The following RPRD2 variants were observed in gnomAD, a reference collection of about 807,000 sequenced individuals.
RPRD2 encodes regulation of nuclear pre-mRNA domain-containing protein 2.
RPRD2 carries 12 observed loss-of-function variants against 104.4 expected under a neutral mutation model. The ratio of observed to expected loss-of-function variants is 0.11; its 90% CI spans 0.07 to 0.19. The LOEUF (loss-of-function observed/expected upper bound fraction) is 0.19, where lower values mean the gene tolerates loss of function less well. Among genes scored for constraint, RPRD2 ranks in the 10% least tolerant of loss-of-function variants. RPRD2 has a pLI of 1.00. For missense variants in RPRD2, 1,543 were observed against 1,790.1 expected (o/e 0.86, Z 2.49); for synonymous variants, 714 against 684.9 (o/e 1.04, Z -0.66).
chr1:150,416,872 C>CAAAAAAAA (rs782463847), intron 1 of RPRD2, among the ~76,000 whole-genome samples: 71 of 72,398 alleles, frequency 9.8e-4, no homozygotes, highest in African/African-American at 3.2e-3. Flanking sequence ...ACTCCATCTC[C>CAAAAAAAA]AAAAAAAAAA....
At chr1:150,413,777 T>G (rs587638526) in intron 1 of RPRD2, among the ~76,000 whole-genome samples, 1 of 149,500 alleles carries the variant, frequency 6.7e-6, no homozygotes, top group Admixed American at 6.7e-5. Flanking sequence ...ACTACAAAAT[T>G]AGCCAGGCAT....
intron 1 of RPRD2, among the ~76,000 whole-genome samples, chr1:150,411,810 A>C (rs1472724770): frequency 4.2e-5 from 6 of 144,430 alleles, no homozygotes; most frequent in African/African-American, 7.7e-5. Flanking sequence ...AAAAAAAAAA[A>C]AAAAAACGAA....
intron 7 of RPRD2, among the ~76,000 whole-genome samples, chr1:150,452,039 G>A (rs1205433184): frequency 1.3e-5 from 2 of 151,708 alleles, no homozygotes; most frequent in Non-Finnish European, 2.9e-5. Flanking sequence ...CTACTTGGGA[G>A]GCTGAGGCAG....
At chr1:150,387,201 G>C (rs1386405122) in intron 1 of RPRD2, among the ~76,000 whole-genome samples, 1 of 152,132 alleles carries the variant, frequency 6.6e-6, no homozygotes, top group Non-Finnish European at 1.5e-5. Flanking sequence ...GTATAAGTGA[G>C]ACCTGTGCAG....
In RPRD2 at chr1:150,457,409, C is replaced by T. The variant is rs1667608083; in HGVS notation, c.992C>T (p.Pro331Leu). 6.2e-7 allele frequency: 1 copy of T among 1,613,880 alleles called. No individual in the cohort carries two copies. Among genetic ancestry groups the T allele is most frequent in the Non-Finnish European group, 8.5e-7 (1 of 1,179,860 alleles). The change falls in exon 8 of 11, where the codon CCG (proline) becomes CTG (leucine). Residue 331 changes from proline to leucine, a missense_variant. Around this residue, in one of 4 missense-constraint regions of RPRD2, gnomAD observed 572 missense variants for 787.3 expected, o/e 0.73. Transcript: ENST00000369068. ...VPSPSMDAPS[P>L]TGSESPFQGM... ...TCCCCAAGCATGGACGCTCCCTCCC[C>T]GACTGGTTCTGAGTCTCCTTTTCAG...
At chr1:150,400,782 G>A (rs185638450) in intron 1 of RPRD2, among the ~76,000 whole-genome samples, 178 of 152,116 alleles carry the variant, frequency 1.2e-3, no homozygotes, top group African/African-American at 4.1e-3. Context: ...TTTAATAAAT[G>A]TCCTTTGTTT....
chr1:150,433,468 G>T (rs1487790754), intron 2 of RPRD2, among the ~76,000 whole-genome samples: 3 of 95,570 alleles, frequency 3.1e-5, no homozygotes, highest in South Asian at 2.8e-4. Context: ...TTTTTGAGAC[G>T]GAGTCTCGCT....
chr1:150,417,469 T>G (rs1368575322), intron 1 of RPRD2, 127 bp from the exon 2 acceptor site: 1 of 683,318 alleles, frequency 1.5e-6, no homozygotes, highest in Non-Finnish European at 2.3e-6. Flanking sequence ...ATTACATTCA[T>G]CTTTTTATAT....
At position 150,473,426 on chromosome 1, in the gene RPRD2, T is replaced by C; in HGVS notation, c.*92T>C. 2 of 1,328,980 alleles carry C rather than the reference T, an allele frequency of 1.5e-6. No homozygotes were observed. Among genetic ancestry groups the C allele is most frequent in the African/African-American group, 2.9e-5 (2 of 68,502 alleles). 82.3% of individuals were successfully genotyped at this position (1,328,980 alleles called of 1,614,324 possible). A position where few individuals can be genotyped will look rare whatever the true frequency, so the allele number is the denominator to read the frequency against. On this transcript the variant is annotated 3_prime_UTR_variant, in exon 11 of 11. Transcript: ENST00000369068. Reference sequence around the variant, plus strand: ...TTGTTGTTTTTATTTGTTTTCTCTTTCTCGATTTTTTTTTTATTATAACAA... The same window carrying C: ...TTGTTGTTTTTATTTGTTTTCTCTTCCTCGATTTTTTTTTTATTATAACAA...
chr1:150,407,421 A>G (rs1444671281), intron 1 of RPRD2, among the ~76,000 whole-genome samples: 1 of 152,248 alleles, frequency 6.6e-6, no homozygotes, highest in African/African-American at 2.4e-5. Flanking sequence ...TATAACATTT[A>G]GATCCAAAAG....
intron 7 of RPRD2, among the ~76,000 whole-genome samples, chr1:150,452,127 G>T (rs1017870939): frequency 7.5e-6 from 1 of 132,918 alleles, no homozygotes. Context: ...GGGCAAGAGA[G>T]CAAGACTCTG....
intron 9 of RPRD2, among the ~76,000 whole-genome samples, chr1:150,462,193 A>G (rs587756324): frequency 6.6e-6 from 1 of 151,912 alleles, no homozygotes; most frequent in South Asian, 2.1e-4. Context: ...GAGGCAGGAC[A>G]ATCACTTGAA....
At chr1:150,465,875 C>T (rs114934455) in intron 10 of RPRD2, among the ~76,000 whole-genome samples, 2 of 150,108 alleles carry the variant, frequency 1.3e-5, no homozygotes, top group Non-Finnish European at 3.0e-5. Context: ...CCTGGCCAAC[C>T]AGGTGAAATA....
chr1:150,422,647 A>G (rs1449791299), intron 2 of RPRD2, among the ~76,000 whole-genome samples: 1 of 152,160 alleles, frequency 6.6e-6, no homozygotes, highest in African/African-American at 2.4e-5. Flanking sequence ...TCGCTTTTAA[A>G]CCAGGACAGA....
At chr1:150,434,758 AGTGAG>A (rs1451756800) in intron 2 of RPRD2, among the ~76,000 whole-genome samples, 2 of 152,336 alleles carry the variant, frequency 1.3e-5, no homozygotes, top group African/African-American at 4.8e-5. Flanking sequence ...TGGAGGTTGC[AGTGAG>A]CCAGGATCAC....
intron 7 of RPRD2, among the ~76,000 whole-genome samples, chr1:150,456,189 A>AT (rs1238162563): frequency 3.1e-4 from 46 of 148,766 alleles, no homozygotes; most frequent in African/African-American, 6.7e-4. Context: ...TTTGGATTTG[A>AT]TTTTTTTTTT....
chr1:150,416,076 A>G (rs1664309099), intron 1 of RPRD2, among the ~76,000 whole-genome samples: 2 of 152,166 alleles, frequency 1.3e-5, no homozygotes, highest in African/African-American at 4.8e-5. Flanking sequence ...TTTAATTCGT[A>G]TGATTTAATT....
intron 1 of RPRD2, among the ~76,000 whole-genome samples, chr1:150,391,222 C>CT (rs2102177161): frequency 6.6e-6 from 1 of 152,272 alleles, no homozygotes; most frequent in African/African-American, 2.4e-5. Flanking sequence ...CCTAGCAAAA[C>CT]TAAGTTTTAA....
chr1:150,430,490 A>G (rs1482372714), intron 2 of RPRD2, among the ~76,000 whole-genome samples: 1 of 152,068 alleles, frequency 6.6e-6, no homozygotes, highest in African/African-American at 2.4e-5. Flanking sequence ...CAACAGTGGG[A>G]CCTCATTTCT....
Sources: allele counts gnomAD v4.1 joint callset (sites outside exome capture counted in the v4.1 genomes callset), GRCh38; gene constraint gnomAD v4.1.1; regional missense constraint gnomAD v4.1.1; transcripts MANE v1.5; gene names NCBI Gene and HGNC (gene_info 2026-07-23, HGNC 2026-07-21).